LATS1: variants seen among roughly 807,000 people sequenced by gnomAD.
LATS1 encodes the protein large tumor suppressor kinase 1.
LATS1 carries 25 observed loss-of-function variants against 106.6 expected under a neutral mutation model. That is an observed-to-expected ratio of 0.23 (90% CI 0.17 to 0.33). The LOEUF (loss-of-function observed/expected upper bound fraction) is 0.33, where lower values mean the gene tolerates loss of function less well. LATS1 is among the 10% of genes least tolerant of loss of function. LATS1 has a pLI of 1.00. For missense variants in LATS1, 1,040 were observed against 1,382.6 expected (o/e 0.75, Z 3.93); for synonymous variants, 465 against 455.6 (o/e 1.02, Z -0.26).
rs769767115 is a variant in LATS1 at position 149,683,136 on chromosome 6, G to C, written c.1953C>G (p.Leu651=). 1.9e-6 allele frequency: 3 copies of C among 1,613,248 alleles called. No homozygotes were observed. The highest frequency in any genetic ancestry group is 2.7e-5 in the African/African-American group (2 of 74,896). Residue 651 remains leucine (L), a synonymous_variant, in exon 4 of 8, where the codon CTC becomes CTG. Transcript: ENST00000543571. ...FFMEQHVENV[L]KSHQQRLHRK... ...GATGTAGACGCTGCTGATGAGATTT[G>C]AGTACATTTTCTACATGTTGCTCCA...
Position 149,695,240 on chromosome 6 carries a change from T to A in LATS1, c.349-19A>T, listed in dbSNP as rs752558964. ...CCATATCCTGATATGAATTGAAGTT[T>A]AAAAAAAAAGAAACAAAATTTAAAT... On this transcript the variant is annotated intron_variant, in intron 2 of 7. Coordinates refer to ENST00000543571, the MANE Select transcript of LATS1 (RefSeq NM_004690.4). The A allele has an allele frequency of 6.6e-7, 1 of 1,509,984 alleles. No homozygotes were observed. Among genetic ancestry groups the A allele is most frequent in the Non-Finnish European group, 9.0e-7 (1 of 1,111,164 alleles). 93.5% of individuals were successfully genotyped at this position (1,509,984 alleles called of 1,614,324 possible). A position where few individuals can be genotyped will look rare whatever the true frequency, so the allele number is the denominator to read the frequency against.
intron 2 of LATS1, among the ~76,000 whole-genome samples, chr6:149,701,321 A>G (rs1335047789): frequency 6.6e-6 from 1 of 152,238 alleles, no homozygotes; most frequent in Non-Finnish European, 1.5e-5. Flanking sequence ...GTTTTTGTGA[A>G]TTTAAGATTT....
intron 1 of LATS1, among the ~76,000 whole-genome samples, chr6:149,706,896 A>G (rs1380299066): frequency 6.6e-6 from 1 of 152,024 alleles, no homozygotes; most frequent in African/African-American, 2.4e-5. Flanking sequence ...CCAGGTTTAT[A>G]GTGATTTGTT....
rs1208535866 is a variant in LATS1, at chr6:149,676,289, C to A, written c.2854G>T (p.Ala952Ser). 1.2e-6 allele frequency: 2 copies of A among 1,612,628 alleles called. No individual in the cohort carries two copies. Among genetic ancestry groups the A allele is most frequent in the Admixed American group, 1.7e-5 (1 of 60,002 alleles). Residue 952 changes from alanine (A) to serine (S), a missense_variant, in exon 7 of 8, where the codon GCA (alanine) becomes TCA (serine). Physicochemically the swap from Ala to Ser is moderately conservative, Grantham distance 99 (BLOSUM62 1). This residue lies in a region of LATS1 where 113 missense variants were observed against 146.3 expected (regional missense o/e 0.77). Transcript: ENST00000543571. ...EMLVGQPPFL[A>S]QTPLETQMKV... Reference sequence around the variant, plus strand: ...ATTTGTGTTTCTAATGGTGTTTGTGCCAAGAAAGGAGGTTGTCCCACCAAC... The same window carrying A: ...ATTTGTGTTTCTAATGGTGTTTGTGACAAGAAAGGAGGTTGTCCCACCAAC...
chr6:149,663,448 C>T (rs1054687580), intron 7 of LATS1, among the ~76,000 whole-genome samples: 1 of 152,150 alleles, frequency 6.6e-6, no homozygotes, highest in African/African-American at 2.4e-5. Flanking sequence ...GCACTCCAGC[C>T]TGGGCGACAG....
At chr6:149,662,766 C>T (rs1780940343) in intron 7 of LATS1, among the ~76,000 whole-genome samples, 1 of 151,842 alleles carries the variant, frequency 6.6e-6, no homozygotes, top group Non-Finnish European at 1.5e-5. Context: ...AGGTTCAAGA[C>T]AAACCTGGGC....
In LATS1 at chr6:149,664,707, T is replaced by C. The variant is rs551117353; in HGVS notation, c.2884-2469A>G. Among the ~76,000 whole-genome samples the C allele has an allele frequency of 5.9e-5, 9 of 152,308 alleles. No individual in the cohort carries two copies. The South Asian group carries it at 1.0e-3, about 18-fold the overall frequency. ...TGTAAATTTGAAGTACCATTAAACC[T>C]GGTGACCATTTAAAAAAAATTATTT... On this transcript the variant is annotated intron_variant, in intron 7 of 7. Transcript: ENST00000543571.
In LATS1 at chr6:149,680,473, A is replaced by G. The variant is rs1781974443; in HGVS notation, c.2011-16T>C. ...ATAATCCAACCTAGGCAAATAAACT[A>G]GATGTTAAATAAGAATTATCTTCTT... On this transcript the variant is annotated splice_polypyrimidine_tract_variant and intron_variant, in intron 4 of 7. Transcript: ENST00000543571. 6.6e-7 allele frequency: 1 copy of G among 1,509,516 alleles called. No individual in the cohort carries two copies. The highest frequency in any genetic ancestry group is 1.4e-5 in the African/African-American group (1 of 71,582). 93.5% of individuals were successfully genotyped at this position (1,509,516 alleles called of 1,614,324 possible).
At chr6:149,671,516 T>G (rs981137968) in intron 7 of LATS1, among the ~76,000 whole-genome samples, 1 of 152,032 alleles carries the variant, frequency 6.6e-6, no homozygotes, top group African/African-American at 2.4e-5. Flanking sequence ...ATTTGCACCT[T>G]TGTCAAAGAT....
In LATS1 at chr6:149,684,513, C is replaced by T. The variant is rs774657233; in HGVS notation, c.576G>A (p.Pro192=). 25 of 1,613,954 alleles carry T rather than the reference C, an allele frequency of 1.5e-5. No homozygotes were observed. The South Asian group carries it at 1.8e-4, about 11-fold the overall frequency. The change falls in exon 4 of 8, where the codon CCG becomes CCA. Residue 192 remains proline, a synonymous_variant. Coordinates refer to ENST00000543571, the MANE Select transcript of LATS1 (RefSeq NM_004690.4). The part of the protein sequence containing the change: ...KESLVPQRHG[P]PLGESVAYHS... ...GATAGGCCACACTTTCTCCTAGTGG[C>T]GGGCCATGCCTCTGAGGAACTAAGG...
chr6:149,713,241 T>A (rs1432064478), intron 1 of LATS1, among the ~76,000 whole-genome samples: 1 of 152,098 alleles, frequency 6.6e-6, no homozygotes, highest in Non-Finnish European at 1.5e-5. Flanking sequence ...TCATTGCACA[T>A]GCCTAACTTA....
chr6:149,714,519 A>G lies in LATS1; in HGVS notation c.-141+3330T>C, dbSNP rs115746399. On this transcript the variant is annotated intron_variant, in intron 1 of 7. Coordinates refer to ENST00000543571, the MANE Select transcript of LATS1 (RefSeq NM_004690.4). ...TTCAAGCAAGATCACAGAATTTTCA[A>G]AGGTAAGACAGACTCAAAAGTCTGC... 1.5e-3 allele frequency among the ~76,000 whole-genome samples: 229 copies of G among 152,340 alleles called. 2 individuals carry two copies. Among genetic ancestry groups the G allele is most frequent in the African/African-American group, 5.2e-3 (218 of 41,576 alleles).
At chr6:149,713,152 A>G (rs1269715983) in intron 1 of LATS1, among the ~76,000 whole-genome samples, 1 of 152,184 alleles carries the variant, frequency 6.6e-6, no homozygotes, top group Non-Finnish European at 1.5e-5. Context: ...TATGATAATG[A>G]AAACAATGGA....
intron 1 of LATS1, among the ~76,000 whole-genome samples, chr6:149,711,826 T>C (rs1446661585): frequency 3.9e-5 from 6 of 152,240 alleles, no homozygotes; most frequent in Middle Eastern, 3.4e-3. Flanking sequence ...GCCTAGGAGA[T>C]TTCAGATTAT....
At chr6:149,667,262 C>A (rs1383808095) in intron 7 of LATS1, among the ~76,000 whole-genome samples, 4 of 151,056 alleles carry the variant, frequency 2.6e-5, no homozygotes, top group Non-Finnish European at 4.4e-5. Context: ...TGGTGAGAAC[C>A]CTGTCTTAAT....
rs1403701236 is a variant in LATS1 at position 149,718,061 on chromosome 6, AT to A, written c.-354del. 1.9e-5 allele frequency: 6 copies of A among 322,292 alleles called. No homozygotes were observed. Among genetic ancestry groups the A allele is most frequent in the Admixed American group, 5.7e-5 (1 of 17,654 alleles). 20.0% of individuals were successfully genotyped at this position (322,292 alleles called of 1,614,324 possible). A position where few individuals can be genotyped will look rare whatever the true frequency, so the allele number is the denominator to read the frequency against. On this transcript the variant is annotated 5_prime_UTR_variant, in exon 1 of 8. It adds an upstream start codon to the 5' untranslated region. Coordinates refer to ENST00000543571, the MANE Select transcript of LATS1 (RefSeq NM_004690.4). ...CCAGGCCACCGCCGCCGCCGCCGCC[AT>A]TTTGCCTTCCACTCAGTGTCGCCGC... is the stretch of plus-strand genomic sequence containing the variant.
intron 1 of LATS1, among the ~76,000 whole-genome samples, chr6:149,711,413 A>G (rs1784087668): frequency 1.3e-5 from 2 of 152,024 alleles, no homozygotes; most frequent in Non-Finnish European, 2.9e-5. Context: ...GCGTGGTGGC[A>G]TGTGCCTGTA....
chr6:149,699,536 G>A (rs1222197886), intron 2 of LATS1, among the ~76,000 whole-genome samples: 1 of 151,828 alleles, frequency 6.6e-6, no homozygotes, highest in Non-Finnish European at 1.5e-5. Context: ...AACAGGGAAT[G>A]ATAAATGTCT....
chr6:149,692,968 C>CA (rs1206485812), intron 3 of LATS1, among the ~76,000 whole-genome samples: 1 of 151,864 alleles, frequency 6.6e-6, no homozygotes, highest in Non-Finnish European at 1.5e-5. Context: ...GCCACTGCAC[C>CA]AGGACACAAA....
Sources: gnomAD v4.1 joint callset for allele counts (sites outside exome capture counted in the v4.1 genomes callset) on GRCh38, gnomAD v4.1.1 for gene constraint, gnomAD v4.1.1 regional missense constraint, MANE v1.5 for transcripts, NCBI Gene and HGNC (gene_info 2026-07-23, HGNC 2026-07-21) for gene names.